Variants in ZFYVE1 observed in about 807,000 individuals in gnomAD.
ZFYVE1 encodes the protein zinc finger FYVE domain-containing protein 1.
ZFYVE1 carries 30 observed loss-of-function variants against 74.4 expected under a neutral mutation model. The ratio of observed to expected loss-of-function variants is 0.40; its 90% CI spans 0.30 to 0.55. The LOEUF is 0.55. ZFYVE1 is among the 20% of genes least tolerant of loss of function. ZFYVE1 has a pLI of 0.42. For missense variants in ZFYVE1, 703 were observed against 1,011.6 expected (o/e 0.69, Z 4.14); for synonymous variants, 335 against 385.1 (o/e 0.87, Z 1.52).
At chr14:73,021,334 T>A (rs1430380133) in intron 2 of ZFYVE1, among the ~76,000 whole-genome samples, 2 of 148,194 alleles carry the variant, frequency 1.3e-5, no homozygotes, top group Non-Finnish European at 3.0e-5. Context: ...GGGGACAGAG[T>A]GAGACTCTGT....
chr14:72,978,295 A>G, intron 6 of ZFYVE1, 61 bp from the exon 7 acceptor site: 1 of 1,544,678 alleles, frequency 6.5e-7, no homozygotes, highest in South Asian at 1.1e-5. Context: ...TTTAATAGAC[A>G]CGGGGTTTTA....
intron 2 of ZFYVE1, among the ~76,000 whole-genome samples, chr14:73,017,273 T>C (rs1394953706): frequency 6.6e-6 from 1 of 152,224 alleles, no homozygotes; most frequent in Admixed American, 6.5e-5. Context: ...ACTACTGACC[T>C]TTTATACCAC....
chr14:72,978,249 A>G lies in ZFYVE1; in HGVS notation c.1420-15T>C. On this transcript the variant is annotated splice_polypyrimidine_tract_variant and intron_variant, in intron 6 of 11. Coordinates refer to ENST00000556143, the MANE Select transcript of ZFYVE1 (RefSeq NM_021260.4). ...TCATAGCAGGCCTGAAACAGGAAAC[A>G]CTCTGCTAGCTTATTGTTTGTTTTT... 1.2e-6 allele frequency: 2 copies of G among 1,611,028 alleles called. No individual in the cohort carries two copies. Among genetic ancestry groups the G allele is most frequent in the South Asian group, 2.2e-5 (2 of 91,004 alleles).
chr14:73,007,519 T>G (rs1894005413), intron 2 of ZFYVE1, among the ~76,000 whole-genome samples: 1 of 152,062 alleles, frequency 6.6e-6, no homozygotes, highest in Non-Finnish European at 1.5e-5. Flanking sequence ...GGAGGACTAC[T>G]GGCGTGCACC....
At chr14:72,988,929 CTTTTTT>C (rs34464072) in intron 4 of ZFYVE1, among the ~76,000 whole-genome samples, 1 of 118,134 alleles carries the variant, frequency 8.5e-6, no homozygotes, top group African/African-American at 3.3e-5. Context: ...GCAATTTCTT[CTTTTTT>C]TTTTTTTTTT....
chr14:73,017,614 CACT>C (rs1056434978), intron 2 of ZFYVE1, among the ~76,000 whole-genome samples: 1 of 152,126 alleles, frequency 6.6e-6, no homozygotes, highest in African/African-American at 2.4e-5. Context: ...TACAAGTCAC[CACT>C]GAGTTCTCCT....
At chr14:72,978,759 A>G in intron 6 of ZFYVE1, 102 bp downstream of exon 6, 2 of 901,338 alleles carry the variant, frequency 2.2e-6, no homozygotes, top group South Asian at 2.7e-5. Flanking sequence ...TGAATATCAA[A>G]TACTTCAGCA....
intron 2 of ZFYVE1, among the ~76,000 whole-genome samples, chr14:73,018,154 G>A (rs371835944): frequency 2.0e-5 from 3 of 152,160 alleles, no homozygotes; most frequent in Non-Finnish European, 2.9e-5. Flanking sequence ...CTGCAAGCTG[G>A]GGGCAGTGGC....
intron 2 of ZFYVE1, among the ~76,000 whole-genome samples, chr14:73,006,817 G>A (rs939226023): frequency 6.9e-6 from 1 of 144,826 alleles, no homozygotes; most frequent in Admixed American, 7.2e-5. Context: ...CCTGGTTCAA[G>A]CGATTATCCT....
chr14:72,974,627 T>A, intron 10 of ZFYVE1, 152 bp downstream of exon 10: 1 of 994,906 alleles, frequency 1.0e-6, no homozygotes, highest in South Asian at 1.8e-5. Flanking sequence ...AGGACGCTGT[T>A]AACAAGGAGC....
chr14:73,014,595 C>G (rs1894153071), intron 2 of ZFYVE1, among the ~76,000 whole-genome samples: 1 of 152,176 alleles, frequency 6.6e-6, no homozygotes, highest in South Asian at 2.1e-4. Flanking sequence ...TATTCATATT[C>G]TGACCAGAAC....
intron 3 of ZFYVE1, among the ~76,000 whole-genome samples, chr14:72,994,645 A>G (rs1419093770): frequency 2.0e-5 from 3 of 152,172 alleles, no homozygotes; most frequent in Non-Finnish European, 4.4e-5. Context: ...GCATAAAAGG[A>G]AAGAAATTAT....
chr14:72,981,220 G>C (rs1411221106), intron 5 of ZFYVE1, among the ~76,000 whole-genome samples: 1 of 152,182 alleles, frequency 6.6e-6, no homozygotes, highest in African/African-American at 2.4e-5. Flanking sequence ...CTTAAACATA[G>C]CAATGCAGAG....
intron 4 of ZFYVE1, among the ~76,000 whole-genome samples, chr14:72,992,627 C>G (rs1179534536): frequency 2.0e-5 from 2 of 101,214 alleles, no homozygotes; most frequent in East Asian, 2.3e-4. Context: ...CCCCCCCGCC[C>G]CTTGCAAGAG....
At chr14:72,984,266 C>T (rs1038504838) in intron 4 of ZFYVE1, among the ~76,000 whole-genome samples, 1 of 152,172 alleles carries the variant, frequency 6.6e-6, no homozygotes, top group African/African-American at 2.4e-5. Flanking sequence ...CACGGTGGCT[C>T]ATGCCTGTAA....
rs145493368 is a variant in ZFYVE1 at position 72,997,817 on chromosome 14, C to T, written c.982G>A (p.Gly328Ser). 19 of 1,586,698 alleles carry T rather than the reference C, an allele frequency of 1.2e-5. No individual in the cohort carries two copies. In the African/African-American group the frequency reaches 2.0e-4, roughly 17 times the overall value. ...FHETVHTQLLGSDHPSEVPEK... is the reference protein window; with the variant it reads ...FHETVHTQLLSSDHPSEVPEK... ...ACTGTACCCCATCTCTCACCAGAGC[C>T]CAGTAGCTGGGTGTGCACGGTCTCA... The change falls in exon 3 of 12, where the codon GGC (glycine) becomes AGC (serine). Residue 328 changes from glycine (G) to serine (S), a missense_variant. Coordinates refer to ENST00000556143, the MANE Select transcript of ZFYVE1 (RefSeq NM_021260.4).
intron 2 of ZFYVE1, among the ~76,000 whole-genome samples, chr14:73,010,962 T>C (rs1327517590): frequency 1.3e-5 from 2 of 151,706 alleles, no homozygotes; most frequent in Non-Finnish European, 2.9e-5. Flanking sequence ...CCAACCCCAA[T>C]AACGTATAGA....
At chr14:72,984,020 A>G (rs573346105) in intron 4 of ZFYVE1, among the ~76,000 whole-genome samples, 2 of 152,346 alleles carry the variant, frequency 1.3e-5, no homozygotes, top group South Asian at 2.1e-4. Flanking sequence ...GGTCAGGTGT[A>G]GGACCAGAAT....
intron 11 of ZFYVE1, among the ~76,000 whole-genome samples, chr14:72,972,389 T>G (rs1167579254): frequency 6.6e-6 from 1 of 152,226 alleles, no homozygotes; most frequent in Non-Finnish European, 1.5e-5. Context: ...CAGGCTATGC[T>G]CTGCCTTCTG....
Sources: allele counts gnomAD v4.1 joint callset (sites outside exome capture counted in the v4.1 genomes callset), GRCh38; gene constraint gnomAD v4.1.1; transcripts MANE v1.5; gene names NCBI Gene and HGNC (gene_info 2026-07-23, HGNC 2026-07-21).